UNC13C: variants seen among roughly 807,000 people sequenced by gnomAD.
UNC13C encodes the protein unc-13 homolog C.
A neutral mutation model predicts 245.4 loss-of-function variants in UNC13C; 174 were observed. The ratio of observed to expected loss-of-function variants is 0.71; its 90% CI spans 0.63 to 0.80. UNC13C has a LOEUF of 0.80. Ranked by LOEUF, UNC13C falls within the 30% of genes least tolerant of loss-of-function variation. The pLI is 0.00. For synonymous variants in UNC13C, 992 were observed against 895.1 expected (o/e 1.11, Z -1.93); for missense variants, 2,829 against 2,602.9 (o/e 1.09, Z -1.89).
chr15:54,094,319 A>G (rs1899735777), intron 2 of UNC13C, among the ~76,000 whole-genome samples: 1 of 152,014 alleles, frequency 6.6e-6, no homozygotes, highest in Admixed American at 6.6e-5. Flanking sequence ...ATTTTCCCTT[A>G]TGGATGTTAC....
intron 8 of UNC13C, among the ~76,000 whole-genome samples, chr15:54,263,782 T>C (rs1429778522): frequency 6.6e-6 from 1 of 152,198 alleles, no homozygotes; most frequent in East Asian, 1.9e-4. Flanking sequence ...ATATTCTATC[T>C]ATTTCTCAAT....
At position 54,494,182 on chromosome 15, in the gene UNC13C, C is replaced by T. The variant is rs112468624; in HGVS notation, c.4934-426C>T. ...GAACAACATGGCACATGTATACATACGTAACAAACCTGCACGTTGTGCACA... is the reference window on the plus strand; with the variant it reads ...GAACAACATGGCACATGTATACATATGTAACAAACCTGCACGTTGTGCACA... On this transcript the variant is annotated intron_variant, in intron 19 of 32. Coordinates refer to ENST00000260323, the MANE Select transcript of UNC13C (RefSeq NM_001080534.3). 3.5e-3 allele frequency among the ~76,000 whole-genome samples: 528 copies of T among 152,132 alleles called. 3 individuals carry two copies. The highest frequency in any genetic ancestry group is 0.012 in the African/African-American group (498 of 41,540).
chr15:54,484,535 C>T (rs199871612), intron 19 of UNC13C, among the ~76,000 whole-genome samples: 5 of 143,474 alleles, frequency 3.5e-5, no homozygotes, highest in African/African-American at 1.2e-4. Flanking sequence ...AAGTAAATAA[C>T]TATTCCTGCC....
At chr15:54,319,929 G>A (rs2038106055) in intron 13 of UNC13C, among the ~76,000 whole-genome samples, 3 of 151,966 alleles carry the variant, frequency 2.0e-5, no homozygotes, top group Middle Eastern at 3.4e-3. Context: ...GCTTCTGATG[G>A]GTATAAATGA....
chr15:53,982,939 G>A (rs1893983275), intron 1 of UNC13C, among the ~76,000 whole-genome samples: 1 of 152,140 alleles, frequency 6.6e-6, no homozygotes, highest in Non-Finnish European at 1.5e-5. Context: ...GAGGCCAGAG[G>A]CTTGGTGAAT....
chr15:54,144,904 T>C lies in UNC13C; in HGVS notation c.3071+1220T>C, dbSNP rs577542912. Among the ~76,000 whole-genome samples the C allele has an allele frequency of 3.5e-3, 527 of 152,034 alleles. 2 individuals carry two copies. Among genetic ancestry groups the C allele is most frequent in the Non-Finnish European group, 5.9e-3 (399 of 67,966 alleles). ...GTTTATATATTCATATATACCTCTT[T>C]ATATATGAATATAGAGAGATATCTA... is the stretch of plus-strand genomic sequence containing the variant. On this transcript the variant is annotated intron_variant, in intron 4 of 32. Transcript: ENST00000260323.
In UNC13C at chr15:54,529,093, C is replaced by A. The variant is rs1895619500; in HGVS notation, c.5546+3456C>A. ...AAGAAATGAGACAAATTCAAAGGGG[C>A]CAGCTGAGATGCAAGGATCAAGGAA... On this transcript the variant is annotated intron_variant, in intron 25 of 32. Coordinates refer to ENST00000260323, the MANE Select transcript of UNC13C (RefSeq NM_001080534.3). Among the ~76,000 whole-genome samples the A allele has an allele frequency of 3.3e-5, 5 of 152,124 alleles. No individual in the cohort carries two copies. The South Asian group carries it at 1.0e-3, about 32-fold the overall frequency.
At chr15:54,354,470 C>A (rs1467334504) in intron 17 of UNC13C, among the ~76,000 whole-genome samples, 2 of 152,126 alleles carry the variant, frequency 1.3e-5, no homozygotes, top group Non-Finnish European at 2.9e-5. Flanking sequence ...CTGGACCTAC[C>A]AGGATTACTC....
intron 13 of UNC13C, chr15:54,320,669 T>A: frequency 3.0e-6 from 1 of 328,398 alleles, no homozygotes; most frequent in East Asian, 8.5e-5. Flanking sequence ...ACCCATAGCT[T>A]CCTTGTCACT....
intron 31 of UNC13C, among the ~76,000 whole-genome samples, chr15:54,623,050 T>G (rs2141313902): frequency 6.6e-6 from 1 of 152,284 alleles, no homozygotes; most frequent in Non-Finnish European, 1.5e-5. Context: ...TACAGTAGTA[T>G]ATACTGTCAA....
chr15:53,999,485 G>A (rs1268760805), intron 1 of UNC13C, among the ~76,000 whole-genome samples: 1 of 151,808 alleles, frequency 6.6e-6, no homozygotes, highest in Non-Finnish European at 1.5e-5. Flanking sequence ...TTTCAGTTCT[G>A]ATATTGGTAA....
rs778064943 is a variant in UNC13C at position 54,015,201 on chromosome 15, G to T, written c.2298G>T (p.Leu766Phe). ...TGATGTATCGAAGTCAAAGTGAATT[G>T]CAAAGTGATGATTCAGAGGATGCCC... Reference protein sequence around the residue: ...LSMMYRSQSELQSDDSEDAPP... With the variant: ...LSMMYRSQSEFQSDDSEDAPP... Residue 766 changes from leucine to phenylalanine, a missense_variant, in exon 2 of 33, where the codon TTG becomes TTT. Leu to Phe is a conservative substitution (Grantham distance 22). Coordinates refer to ENST00000260323, the MANE Select transcript of UNC13C (RefSeq NM_001080534.3). The T allele has an allele frequency of 1.2e-6, 2 of 1,613,062 alleles. No homozygotes were observed. The highest frequency in any genetic ancestry group is 3.3e-5 in the Admixed American group (2 of 59,774).
chr15:54,012,780 C>A lies in UNC13C; in HGVS notation c.-124C>A. On this transcript the variant is annotated 5_prime_UTR_variant, in exon 2 of 33. Coordinates refer to ENST00000260323, the MANE Select transcript of UNC13C (RefSeq NM_001080534.3). Reference sequence around the variant, plus strand: ...ACAATGTGGCAGAGCCATGCCTGCCCTTCCTGCTCTTTCCAGTGATTCACA... The same window carrying A: ...ACAATGTGGCAGAGCCATGCCTGCCATTCCTGCTCTTTCCAGTGATTCACA... 12 of 752,222 alleles carry A rather than the reference C, an allele frequency of 1.6e-5. 1 individual carries two copies. The South Asian group carries it at 2.1e-4, about 13-fold the overall frequency. 46.6% of individuals were successfully genotyped at this position (752,222 alleles called of 1,614,324 possible). A position where few individuals can be genotyped will look rare whatever the true frequency, so the allele number is the denominator to read the frequency against.
intron 19 of UNC13C, among the ~76,000 whole-genome samples, chr15:54,493,960 A>T (rs538584233): frequency 4.6e-5 from 7 of 152,134 alleles, no homozygotes; most frequent in African/African-American, 1.7e-4. Context: ...AAGGGGTGCA[A>T]GATAACTTTA....
At chr15:53,884,305 C>G in the UNC13C span, among the ~76,000 whole-genome samples, 1 of 152,026 alleles carries the variant, frequency 6.6e-6, no homozygotes, top group Non-Finnish European at 1.5e-5. Flanking sequence ...AGTAATTTCC[C>G]AGGATCCTAA....
the UNC13C span, among the ~76,000 whole-genome samples, chr15:53,887,220 CA>C: frequency 0.013 from 2,031 of 152,218 alleles, 45 homozygotes; most frequent in African/African-American, 0.046. Context: ...CTATCTTCTC[CA>C]TTTTGTAAAT....
chr15:53,932,847 A>G, the UNC13C span, among the ~76,000 whole-genome samples: 1 of 152,148 alleles, frequency 6.6e-6, no homozygotes, highest in Non-Finnish European at 1.5e-5. Flanking sequence ...CACATACTCA[A>G]CTATCTCTTA....
At chr15:54,224,510 A>T (rs1195890079) in intron 4 of UNC13C, among the ~76,000 whole-genome samples, 1 of 152,086 alleles carries the variant, frequency 6.6e-6, no homozygotes. Context: ...GATCTTTTCA[A>T]TATGTTGTTG....
At position 54,588,446 on chromosome 15, in the gene UNC13C, C is replaced by G. The variant is rs139664684; in HGVS notation, c.6106+20499C>G. Among the ~76,000 whole-genome samples, 376 of 152,192 alleles carry G rather than the reference C, an allele frequency of 2.5e-3. 10 individuals carry two copies. The South Asian group carries it at 0.043, about 17-fold the overall frequency. The stretch of plus-strand genomic sequence containing the variant: ...TGGTTGGTGAGAAGATTAAATAAAT[C>G]AATATATGTAAACCTCCTAGAACAA... On this transcript the variant is annotated intron_variant, in intron 30 of 32. Transcript: ENST00000260323.
Sources: gnomAD v4.1 joint callset for allele counts (sites outside exome capture counted in the v4.1 genomes callset) on GRCh38, gnomAD v4.1.1 for gene constraint, MANE v1.5 for transcripts, NCBI Gene and HGNC (gene_info 2026-07-23, HGNC 2026-07-21) for gene names.